The following CFAP299 variants were observed in gnomAD, a reference collection of about 807,000 sequenced individuals.
CFAP299 encodes the protein cilia and flagella associated protein 299.
A neutral mutation model predicts 27.0 loss-of-function variants in CFAP299; 21 were observed. The observed-to-expected ratio is 0.78, with a 90% CI of 0.55 to 1.12. The LOEUF is 1.12. CFAP299 is among the 50% of genes most tolerant of loss of function. The pLI, the probability that CFAP299 is intolerant of heterozygous loss-of-function variation, is 0.00. For missense variants in CFAP299, 310 were observed against 276.6 expected (o/e 1.12, Z -0.86); for synonymous variants, 104 against 98.1 (o/e 1.06, Z -0.36).
chr4:80,851,152 C>T (rs1384643756), intron 3 of CFAP299, among the ~76,000 whole-genome samples: 1 of 152,046 alleles, frequency 6.6e-6, no homozygotes, highest in African/African-American at 2.4e-5. Flanking sequence ...TTAAAAGCTT[C>T]TGGTGTATAA....
intron 3 of CFAP299, among the ~76,000 whole-genome samples, chr4:80,690,786 T>G (rs1303752956): frequency 6.6e-6 from 1 of 151,326 alleles, no homozygotes; most frequent in Non-Finnish European, 1.5e-5. Flanking sequence ...ACAAAATTGA[T>G]AGACCGCTAG....
At chr4:80,782,648 GAATATATAATATATTCATATATAATATA>G (rs1726970328) in intron 3 of CFAP299, among the ~76,000 whole-genome samples, 1 of 95,940 alleles carries the variant, frequency 1.0e-5, no homozygotes, top group East Asian at 2.7e-4. Flanking sequence ...ATACATATAT[GAATATATAATATATTCATATATAATATA>G]CATATATGAA....
At chr4:80,670,546 T>C (rs1741416530) in intron 3 of CFAP299, among the ~76,000 whole-genome samples, 2 of 152,190 alleles carry the variant, frequency 1.3e-5, no homozygotes. Flanking sequence ...TAGATCTAGA[T>C]CCTTGAGGAA....
At chr4:80,890,759 G>C (rs1578215976) in intron 4 of CFAP299, among the ~76,000 whole-genome samples, 2 of 150,266 alleles carry the variant, frequency 1.3e-5, no homozygotes, top group East Asian at 3.9e-4. Flanking sequence ...CATTCTAACT[G>C]GTGTGAGATG....
At chr4:80,329,775 T>A in the CFAP299 span, among the ~76,000 whole-genome samples, 2 of 152,132 alleles carry the variant, frequency 1.3e-5, no homozygotes, top group East Asian at 3.9e-4. Flanking sequence ...CTGACGAGCT[T>A]TGATATTGTA....
chr4:80,447,292 C>T (rs1234770916), intron 2 of CFAP299, among the ~76,000 whole-genome samples: 12 of 148,200 alleles, frequency 8.1e-5, no homozygotes, highest in African/African-American at 2.7e-4. Flanking sequence ...CCCGCCACTA[C>T]GCCCGGCTAA....
intron 2 of CFAP299, among the ~76,000 whole-genome samples, chr4:80,445,549 G>T (rs373269281): frequency 2.0e-5 from 3 of 152,250 alleles, no homozygotes; most frequent in East Asian, 3.9e-4. Context: ...GGGAGGGATA[G>T]TGTTAAGAAA....
At chr4:80,711,228 C>T (rs1004599228) in intron 3 of CFAP299, among the ~76,000 whole-genome samples, 9 of 152,066 alleles carry the variant, frequency 5.9e-5, no homozygotes, top group Non-Finnish European at 1.3e-4. Flanking sequence ...AGGGGAGAGC[C>T]GGCTGTTCAG....
At chr4:80,695,728 A>T (rs1721047072) in intron 3 of CFAP299, among the ~76,000 whole-genome samples, 1 of 145,782 alleles carries the variant, frequency 6.9e-6, no homozygotes, top group African/African-American at 2.5e-5. Context: ...GCTGGAGTGC[A>T]GTGGCATAAT....
intron 2 of CFAP299, among the ~76,000 whole-genome samples, chr4:80,523,748 G>A (rs146896248): frequency 6.6e-6 from 1 of 152,170 alleles, no homozygotes; most frequent in East Asian, 1.9e-4. Flanking sequence ...GCTTTCCTGG[G>A]CCTACAGCTT....
chr4:80,501,296 T>C (rs992151431), intron 2 of CFAP299, among the ~76,000 whole-genome samples: 2 of 151,752 alleles, frequency 1.3e-5, no homozygotes, highest in South Asian at 2.1e-4. Flanking sequence ...CTATGCTTAA[T>C]GGTAGACTTA....
chr4:80,555,823 T>A (rs1017243310), intron 2 of CFAP299, among the ~76,000 whole-genome samples: 1 of 152,136 alleles, frequency 6.6e-6, no homozygotes, highest in Non-Finnish European at 1.5e-5. Flanking sequence ...TATTTTTATT[T>A]CTGTGGGGCC....
intron 2 of CFAP299, among the ~76,000 whole-genome samples, chr4:80,441,604 C>T (rs1408591853): frequency 6.6e-6 from 1 of 152,152 alleles, no homozygotes; most frequent in Non-Finnish European, 1.5e-5. Context: ...CAACAACATA[C>T]CAAAATGTAA....
intron 2 of CFAP299, among the ~76,000 whole-genome samples, chr4:80,510,405 A>G (rs137889580): frequency 1.3e-5 from 2 of 152,128 alleles, no homozygotes; most frequent in African/African-American, 4.8e-5. Context: ...ACAGAAGTAA[A>G]AAGTGGATTC....
chr4:80,669,936 T>A (rs1233700798), intron 3 of CFAP299, among the ~76,000 whole-genome samples: 1 of 151,664 alleles, frequency 6.6e-6, no homozygotes, highest in Admixed American at 6.6e-5. Context: ...CTGTCGATTT[T>A]GTTGTTATAA....
At chr4:80,459,224 T>C (rs1729319706) in intron 2 of CFAP299, among the ~76,000 whole-genome samples, 1 of 152,072 alleles carries the variant, frequency 6.6e-6, no homozygotes, top group Non-Finnish European at 1.5e-5. Context: ...TCCTGGCCTC[T>C]AGCAGTCCTC....
intron 3 of CFAP299, among the ~76,000 whole-genome samples, chr4:80,622,397 C>A (rs1738652417): frequency 6.6e-6 from 1 of 152,160 alleles, no homozygotes; most frequent in African/African-American, 2.4e-5. Flanking sequence ...TGGACTGGGT[C>A]ATCCCCAGCT....
At chr4:80,360,129 C>G (rs933318579) in intron 1 of CFAP299, among the ~76,000 whole-genome samples, 5 of 152,222 alleles carry the variant, frequency 3.3e-5, no homozygotes, top group African/African-American at 9.6e-5. Context: ...ACTGTGTGCT[C>G]TAAGTCTGGG....
intron 3 of CFAP299, among the ~76,000 whole-genome samples, chr4:80,828,268 G>T (rs1730097990): frequency 1.3e-5 from 2 of 151,932 alleles, no homozygotes; most frequent in South Asian, 4.1e-4. Context: ...GAACAAATTT[G>T]GAGGACTTTG....
Sources: gnomAD v4.1 joint callset for allele counts (sites outside exome capture counted in the v4.1 genomes callset) on GRCh38, gnomAD v4.1.1 for gene constraint, MANE v1.5 for transcripts, NCBI Gene and HGNC (gene_info 2026-07-23, HGNC 2026-07-21) for gene names.